Variants in MED12L observed in about 807,000 individuals in gnomAD.
MED12L encodes the protein mediator of RNA polymerase II transcription subunit 12-like protein.
MED12L carries 60 observed loss-of-function variants against 281.3 expected under a neutral mutation model. The observed-to-expected ratio is 0.21, with a 90% confidence interval of 0.17 to 0.26. The LOEUF (loss-of-function observed/expected upper bound fraction) is 0.26, where lower values mean the gene tolerates loss of function less well. MED12L is among the 10% of genes least tolerant of loss of function. The probability of loss-of-function intolerance (pLI) is 1.00; values close to 1 mark genes in which losing one functional copy is unlikely to be tolerated. For synonymous variants in MED12L, 974 were observed against 987.2 expected (o/e 0.99, Z 0.25); for missense variants, 2,146 against 2,680.9 (o/e 0.80, Z 4.41).
rs369779916 is a variant in MED12L at position 151,388,156 on chromosome 3, C to G, written c.5435C>G (p.Ser1812Cys). 5.6e-6 allele frequency: 9 copies of G among 1,601,560 alleles called. No individual in the cohort carries two copies. The highest frequency in any genetic ancestry group is 1.6e-4 in the Middle Eastern group (1 of 6,064). ...KTKGRKRKTK[S>C]SSRVDEYPQS... is the part of the protein sequence containing the mutation. ...AAAGGAAGGAAGCGCAAGACGAAAT[C>G]TAGCTCAAGAGTTGATGTAAGTGGG... Residue 1812 changes from serine to cysteine, a missense_variant, in exon 37 of 45, where the codon TCT (serine) becomes TGT (cysteine). Around this residue, in one of 9 missense-constraint regions of MED12L, gnomAD observed 496 missense variants for 512.0 expected, o/e 0.97. Coordinates refer to ENST00000687756, the MANE Select transcript of MED12L (RefSeq NM_001393769.1).
At chr3:151,137,220 T>C (rs755974447) in intron 5 of MED12L, among the ~76,000 whole-genome samples, 5 of 151,846 alleles carry the variant, frequency 3.3e-5, no homozygotes, top group Non-Finnish European at 7.4e-5. Context: ...ATCATTGTTA[T>C]GGGCTCATGA....
chr3:151,282,445 C>T (rs191665796), intron 16 of MED12L, among the ~76,000 whole-genome samples: 13 of 151,504 alleles, frequency 8.6e-5, no homozygotes, highest in Admixed American at 5.3e-4. Context: ...GCATGGCTGC[C>T]GAAAGGATTC....
At chr3:151,187,183 T>C (rs1282303267) in intron 12 of MED12L, among the ~76,000 whole-genome samples, 1 of 152,248 alleles carries the variant, frequency 6.6e-6, no homozygotes. Context: ...TCATTGCTTT[T>C]CTTCCATACA....
intron 3 of MED12L, among the ~76,000 whole-genome samples, chr3:151,118,765 C>G (rs919020342): frequency 2.6e-5 from 4 of 151,948 alleles, no homozygotes; most frequent in Non-Finnish European, 5.9e-5. Flanking sequence ...GCAATCTTCG[C>G]TCACTGCAAC....
chr3:151,153,694 G>A (rs1214279951), intron 5 of MED12L, among the ~76,000 whole-genome samples: 1 of 148,912 alleles, frequency 6.7e-6, no homozygotes, highest in East Asian at 2.0e-4. Context: ...TCAGCCTCCT[G>A]AGTAGCTGGG....
chr3:151,247,761 T>TAAA (rs71138490), intron 16 of MED12L, among the ~76,000 whole-genome samples: 16 of 144,134 alleles, frequency 1.1e-4, no homozygotes, highest in Admixed American at 7.6e-4. Context: ...TAATGTATAA[T>TAAA]AAAAAAAAAA....
intron 11 of MED12L, among the ~76,000 whole-genome samples, chr3:151,177,730 C>T (rs974211869): frequency 1.3e-5 from 2 of 152,050 alleles, no homozygotes; most frequent in African/African-American, 4.8e-5. Context: ...TGGCCTCAAG[C>T]CATTGTTCCT....
In MED12L at chr3:151,355,967, C is replaced by T; in HGVS notation, c.2589C>T (p.His863=). Residue 863 remains histidine (H), a synonymous_variant, in exon 19 of 45, where the codon CAC becomes CAT. Transcript: ENST00000687756. ...SGTSYHLPLA[H]HIQLIFDLME... ...CATCCTATCATCTCCCTTTGGCTCA[C>T]CACATTCAGCTCATCTTTGATCTCA... 7 of 1,614,110 alleles carry T rather than the reference C, an allele frequency of 4.3e-6. 1 individual carries two copies. In the South Asian group the frequency reaches 7.7e-5, roughly 18 times the overall value.
rs1720193073 is a variant in MED12L, at chr3:151,436,276, T to TAAAG, written c.*3474_*3477dup. ...ACATCAGGATGGTAAATTTACATCA[T>TAAAG]AAAGATTGCAGATTTAATATTTTCC... is the stretch of plus-strand genomic sequence containing the variant. On this transcript the variant is annotated 3_prime_UTR_variant, in exon 45 of 45. Transcript: ENST00000687756. The TAAAG allele has an allele frequency of 1.3e-5, 2 of 158,390 alleles. No homozygotes were observed. Among genetic ancestry groups the TAAAG allele is most frequent in the Non-Finnish European group, 2.8e-5 (2 of 71,596 alleles). 9.8% of individuals were successfully genotyped at this position (158,390 alleles called of 1,614,324 possible). A position where few individuals can be genotyped will look rare whatever the true frequency, so the allele number is the denominator to read the frequency against.
chr3:151,153,771 G>A (rs1718900575), intron 5 of MED12L, among the ~76,000 whole-genome samples: 1 of 151,994 alleles, frequency 6.6e-6, no homozygotes. Flanking sequence ...GTTTCGCCAT[G>A]TTGGCCAGGC....
At chr3:151,175,400 C>T (rs4330297) in intron 11 of MED12L, among the ~76,000 whole-genome samples, 10,928 of 152,156 alleles carry the variant, frequency 0.072, 900 homozygotes, top group African/African-American at 0.19. Flanking sequence ...CAGTATCTTA[C>T]GTCCTTTTAT....
intron 16 of MED12L, among the ~76,000 whole-genome samples, chr3:151,306,541 A>G (rs1037077971): frequency 1.3e-5 from 2 of 152,236 alleles, no homozygotes; most frequent in African/African-American, 4.8e-5. Flanking sequence ...CAGAAGGGCT[A>G]TGGGAGGACA....
At position 151,165,470 on chromosome 3, in the gene MED12L, T is replaced by G; in HGVS notation, c.1308T>G (p.Arg436=). 6.2e-7 allele frequency: 1 copy of G among 1,614,110 alleles called. No individual in the cohort carries two copies. The highest frequency in any genetic ancestry group is 8.5e-7 in the Non-Finnish European group (1 of 1,179,952). ...AACAACAGATAAAACAAAGAGGCCG[T>G]GCAGTGGAAGTTCGGTGGTCATTTG... is the stretch of plus-strand genomic sequence containing the variant. ...EVEQQIKQRG[R]AVEVRWSFDK... Residue 436 remains arginine (R), a synonymous_variant, in exon 10 of 45, where the codon CGT becomes CGG. Transcript: ENST00000687756.
At chr3:151,090,193 C>T (rs896146582) in intron 2 of MED12L, among the ~76,000 whole-genome samples, 4 of 152,130 alleles carry the variant, frequency 2.6e-5, no homozygotes, top group South Asian at 2.1e-4. Context: ...GTTTATGTGC[C>T]CCTTATTCTC....
At chr3:151,243,219 C>T (rs1439368555) in intron 16 of MED12L, among the ~76,000 whole-genome samples, 18 of 151,976 alleles carry the variant, frequency 1.2e-4, no homozygotes, top group Admixed American at 9.8e-4. Flanking sequence ...AGAACTTCCC[C>T]AATCTAGCAA....
intron 16 of MED12L, among the ~76,000 whole-genome samples, chr3:151,285,312 G>C (rs1453696280): frequency 6.6e-6 from 1 of 151,830 alleles, no homozygotes. Context: ...GTGAAACCCC[G>C]TCTCTACTAA....
rs910535314 is a variant in MED12L at position 151,357,085 on chromosome 3, A to T, written c.2662-128A>T. The T allele has an allele frequency of 6.2e-5, 53 of 848,378 alleles. No individual in the cohort carries two copies. In the Admixed American group the frequency reaches 1.3e-3, roughly 20 times the overall value. 52.6% of individuals were successfully genotyped at this position (848,378 alleles called of 1,614,324 possible). A position where few individuals can be genotyped will look rare whatever the true frequency, so the allele number is the denominator to read the frequency against. ...AAATTGGAAAAGGATTAAAAATTTT[A>T]AAAAAGTTAAATTTAGGGAATGTAT... On this transcript the variant is annotated intron_variant, in intron 19 of 44. Coordinates refer to ENST00000687756, the MANE Select transcript of MED12L (RefSeq NM_001393769.1).
At chr3:151,152,938 C>G (rs922155454) in intron 5 of MED12L, among the ~76,000 whole-genome samples, 1 of 152,210 alleles carries the variant, frequency 6.6e-6, no homozygotes, top group African/African-American at 2.4e-5. Flanking sequence ...TCCTCCTCTG[C>G]TGAGCTTCCA....
chr3:151,214,213 G>A lies in MED12L; in HGVS notation c.2250+20547G>A, dbSNP rs554481832. The A allele has an allele frequency of 1.8e-5, 29 of 1,613,762 alleles. 1 individual carries two copies. The South Asian group carries it at 3.2e-4, about 18-fold the overall frequency. On this transcript the variant is annotated intron_variant, in intron 16 of 44. Coordinates refer to ENST00000687756, the MANE Select transcript of MED12L (RefSeq NM_001393769.1). ...TGACACTCCATTGAGTAGGATTCCT[G>A]CAATGAAGACCATACAGTACAGCAC...
Sources: gnomAD v4.1 joint callset for allele counts (sites outside exome capture counted in the v4.1 genomes callset) on GRCh38, gnomAD v4.1.1 for gene constraint, gnomAD v4.1.1 regional missense constraint, MANE v1.5 for transcripts, NCBI Gene and HGNC (gene_info 2026-07-23, HGNC 2026-07-21) for gene names.